STYK1: variants seen among roughly 807,000 people sequenced by gnomAD.
The protein encoded by STYK1 is STY kinase 1, also known as tyrosine-protein kinase STYK1.
A neutral mutation model predicts 48.1 loss-of-function variants in STYK1; 46 were observed. That is an observed-to-expected ratio of 0.96 (90% confidence interval 0.75 to 1.22). STYK1 has a LOEUF of 1.22. Ranked by LOEUF, STYK1 falls within the 50% of genes most tolerant of loss-of-function variation. The pLI is 0.00. For missense variants in STYK1, 527 were observed against 521.1 expected (o/e 1.01, Z -0.11); for synonymous variants, 188 against 189.0 (o/e 0.99, Z 0.04).
At chr12:10,655,446 A>G (rs925906605) in intron 1 of STYK1, among the ~76,000 whole-genome samples, 1 of 152,220 alleles carries the variant, frequency 6.6e-6, no homozygotes, top group African/African-American at 2.4e-5. Flanking sequence ...AAACTTCCCA[A>G]TGCTGTAGCT....
intron 1 of STYK1, among the ~76,000 whole-genome samples, chr12:10,642,965 G>A (rs926173158): frequency 1.3e-5 from 2 of 152,086 alleles, no homozygotes; most frequent in African/African-American, 4.8e-5. Flanking sequence ...TCACTTATAT[G>A]CTGGCTAATT....
At chr12:10,633,558 T>G (rs1185821668) in intron 4 of STYK1, among the ~76,000 whole-genome samples, 1 of 152,120 alleles carries the variant, frequency 6.6e-6, no homozygotes, top group African/African-American at 2.4e-5. Flanking sequence ...TCAAAGACTG[T>G]TATAATATAA....
chr12:10,645,498 C>T (rs747698075), intron 1 of STYK1, among the ~76,000 whole-genome samples: 3 of 152,156 alleles, frequency 2.0e-5, no homozygotes, highest in African/African-American at 7.2e-5. Flanking sequence ...TATGGAGAGG[C>T]CTGTATCAGG....
intron 1 of STYK1, among the ~76,000 whole-genome samples, chr12:10,653,239 A>AAT (rs1565570753): frequency 6.6e-6 from 1 of 150,548 alleles, no homozygotes; most frequent in East Asian, 2.0e-4. Flanking sequence ...TGCCCAGCTA[A>AAT]TTTTTTTTTG....
chr12:10,639,589 A>G (rs911628339), intron 1 of STYK1, among the ~76,000 whole-genome samples: 1 of 151,956 alleles, frequency 6.6e-6, no homozygotes, highest in African/African-American at 2.4e-5. Context: ...TAATTTTTGT[A>G]TTTTTAGTAG....
chr12:10,653,095 C>T (rs1050128536), intron 1 of STYK1, among the ~76,000 whole-genome samples: 2 of 151,186 alleles, frequency 1.3e-5, no homozygotes, highest in South Asian at 2.1e-4. Flanking sequence ...TTTTGTGAGA[C>T]GGAGTCTCAC....
chr12:10,643,564 ATAAT>A (rs1947567849), intron 1 of STYK1, among the ~76,000 whole-genome samples: 1 of 152,260 alleles, frequency 6.6e-6, no homozygotes, highest in Admixed American at 6.5e-5. Context: ...CAGATGTTAA[ATAAT>A]TAATCATAAA....
At chr12:10,636,344 C>G (rs1947485430) in intron 2 of STYK1, among the ~76,000 whole-genome samples, 1 of 152,206 alleles carries the variant, frequency 6.6e-6, no homozygotes, top group East Asian at 1.9e-4. Flanking sequence ...CTCAGGTAAA[C>G]AGCCAAGTAG....
At chr12:10,650,119 CAAAAAAAAAAAAAAAAA>C in intron 1 of STYK1, among the ~76,000 whole-genome samples, 1 of 51,312 alleles carries the variant, frequency 1.9e-5, no homozygotes, top group African/African-American at 7.7e-5. Flanking sequence ...GACTCTGTCT[CAAAAAAAAAAAAAAAAA>C]AAAAAAAAAA....
intron 1 of STYK1, among the ~76,000 whole-genome samples, chr12:10,661,057 G>C (rs1489623461): frequency 1.3e-5 from 2 of 151,982 alleles, no homozygotes; most frequent in African/African-American, 4.8e-5. Flanking sequence ...TTCTGCTGGG[G>C]GTCTGAATTG....
intron 6 of STYK1, 126 bp from the exon 7 acceptor site, chr12:10,627,850 G>T: frequency 1.5e-6 from 1 of 685,750 alleles, no homozygotes; most frequent in Non-Finnish European, 2.3e-6. Context: ...AAGGACTAGT[G>T]TTCAAAGTGA....
At chr12:10,670,190 T>C (rs1387302384) in intron 1 of STYK1, among the ~76,000 whole-genome samples, 2 of 152,190 alleles carry the variant, frequency 1.3e-5, no homozygotes, top group Admixed American at 6.5e-5. Context: ...ATCTTACTTT[T>C]ATTCTGAAGG....
chr12:10,642,096 G>A (rs1947551612), intron 1 of STYK1, among the ~76,000 whole-genome samples: 1 of 152,156 alleles, frequency 6.6e-6, no homozygotes, highest in Non-Finnish European at 1.5e-5. Context: ...CTGGAAAACG[G>A]GCATGCCAAT....
intron 1 of STYK1, among the ~76,000 whole-genome samples, chr12:10,668,539 CTTTTTTTT>C (rs55897413): frequency 1.3e-3 from 60 of 46,528 alleles, no homozygotes; most frequent in African/African-American, 3.7e-3. Context: ...CCACACCTGG[CTTTTTTTT>C]TTTTTTTTTT....
intron 1 of STYK1, among the ~76,000 whole-genome samples, chr12:10,657,632 G>C (rs1052940327): frequency 6.6e-6 from 1 of 152,188 alleles, no homozygotes; most frequent in Non-Finnish European, 1.5e-5. Context: ...TTTGAAAATT[G>C]TTTGGTATAC....
intron 1 of STYK1, among the ~76,000 whole-genome samples, chr12:10,666,812 G>T (rs543823768): frequency 3.9e-5 from 6 of 152,266 alleles, no homozygotes; most frequent in East Asian, 1.9e-4. Context: ...TTCTGCCATG[G>T]TTATAAGTTT....
At chr12:10,660,417 T>C (rs912361848) in intron 1 of STYK1, among the ~76,000 whole-genome samples, 1 of 152,144 alleles carries the variant, frequency 6.6e-6, no homozygotes, top group Non-Finnish European at 1.5e-5. Context: ...AGATGGATCG[T>C]CATCCCTCTA....
At chr12:10,625,407 C>T (rs1430429554) in intron 7 of STYK1, among the ~76,000 whole-genome samples, 7 of 151,976 alleles carry the variant, frequency 4.6e-5, no homozygotes, top group East Asian at 3.9e-4. Context: ...TTAGTAGAGA[C>T]GGGGTTTCAC....
chr12:10,663,492 G>A (rs371967515), intron 1 of STYK1, among the ~76,000 whole-genome samples: 1 of 150,818 alleles, frequency 6.6e-6, no homozygotes, highest in African/African-American at 2.4e-5. Flanking sequence ...CCAGCTACTC[G>A]GGAGGCTGAG....
Sources: allele counts gnomAD v4.1 joint callset (sites outside exome capture counted in the v4.1 genomes callset), GRCh38; gene constraint gnomAD v4.1.1; transcripts MANE v1.5; gene names NCBI Gene and HGNC (gene_info 2026-07-23, HGNC 2026-07-21).